FAM13A: variants seen among roughly 807,000 people sequenced by gnomAD.
FAM13A encodes protein FAM13A.
A neutral mutation model predicts 129.6 loss-of-function variants in FAM13A; 76 were observed. The ratio of observed to expected loss-of-function variants is 0.59; its 90% CI spans 0.49 to 0.71. The LOEUF (loss-of-function observed/expected upper bound fraction) is 0.71, where lower values mean the gene tolerates loss of function less well. FAM13A is among the 30% of genes least tolerant of loss of function. The pLI is 0.00. For missense variants in FAM13A, 1,108 were observed against 1,249.3 expected, an observed-to-expected ratio of 0.89 and a Z score of 1.70; for synonymous variants, 443 against 449.9, an observed-to-expected ratio of 0.98 and a Z score of 0.20.
At chr4:88,865,892 T>C (rs1238866629) in intron 6 of FAM13A, among the ~76,000 whole-genome samples, 4 of 142,420 alleles carry the variant, frequency 2.8e-5, no homozygotes, top group African/African-American at 5.2e-5. Context: ...TTTTTTTTTT[T>C]TTTTTTTTTT....
At chr4:88,971,159 A>G (rs1579559882) in intron 4 of FAM13A, among the ~76,000 whole-genome samples, 1 of 152,208 alleles carries the variant, frequency 6.6e-6, no homozygotes, top group Non-Finnish European at 1.5e-5. Flanking sequence ...CGGAGCTTGC[A>G]GAGAGCCGAG....
At chr4:88,856,336 T>C (rs1289314181) in intron 6 of FAM13A, among the ~76,000 whole-genome samples, 2 of 150,750 alleles carry the variant, frequency 1.3e-5, no homozygotes, top group Admixed American at 6.6e-5. Context: ...AAAAAAAAAA[T>C]AGCCAGGCCT....
chr4:88,924,566 A>G (rs1422189859), intron 5 of FAM13A, among the ~76,000 whole-genome samples: 1 of 152,238 alleles, frequency 6.6e-6, no homozygotes, highest in African/African-American at 2.4e-5. Flanking sequence ...AGATGGATTA[A>G]AGACTTAAAC....
chr4:88,729,632 T>C (rs944875791), intron 23 of FAM13A: 2 of 152,232 alleles, frequency 1.3e-5, no homozygotes, highest in African/African-American at 4.8e-5. Flanking sequence ...AGGCCCCCAC[T>C]GCACTCTGAG....
chr4:88,869,217 T>C (rs1173282450), intron 6 of FAM13A, among the ~76,000 whole-genome samples: 1 of 152,256 alleles, frequency 6.6e-6, no homozygotes, highest in Non-Finnish European at 1.5e-5. Context: ...ACTTCCACTT[T>C]TGCCTTCTTC....
At chr4:88,810,863 C>A (rs563805785) in intron 7 of FAM13A, among the ~76,000 whole-genome samples, 8 of 152,038 alleles carry the variant, frequency 5.3e-5, no homozygotes, top group Admixed American at 3.9e-4. Context: ...ATAAATTTCA[C>A]AAAAATTATT....
intron 5 of FAM13A, among the ~76,000 whole-genome samples, chr4:88,927,665 CTT>C (rs984085717): frequency 6.6e-6 from 1 of 151,720 alleles, no homozygotes; most frequent in African/African-American, 2.4e-5. Context: ...TCATAATAGT[CTT>C]TGATGATTTT....
At chr4:88,848,178 C>T (rs938720745) in intron 7 of FAM13A, among the ~76,000 whole-genome samples, 15 of 152,128 alleles carry the variant, frequency 9.9e-5, no homozygotes, top group African/African-American at 1.4e-4. Flanking sequence ...GCTAATTCTT[C>T]TATTGCTTAT....
chr4:88,864,188 G>A (rs1739991159), intron 6 of FAM13A, among the ~76,000 whole-genome samples: 1 of 152,220 alleles, frequency 6.6e-6, no homozygotes, highest in Admixed American at 6.5e-5. Flanking sequence ...TCAAAGGAAT[G>A]CTATATTGAT....
chr4:88,896,643 T>A (rs1006320769), intron 6 of FAM13A, among the ~76,000 whole-genome samples: 14 of 152,178 alleles, frequency 9.2e-5, no homozygotes, highest in African/African-American at 3.4e-4. Context: ...CTGAAAACAT[T>A]AAGCTTTGAA....
intron 3 of FAM13A, among the ~76,000 whole-genome samples, chr4:89,000,204 A>T (rs527706437): frequency 6.6e-6 from 1 of 152,348 alleles, no homozygotes; most frequent in East Asian, 1.9e-4. Context: ...GATACTCAAG[A>T]GAAATGAAAG....
At chr4:88,888,756 T>C (rs1279583657) in intron 6 of FAM13A, among the ~76,000 whole-genome samples, 3 of 148,824 alleles carry the variant, frequency 2.0e-5, no homozygotes, top group Admixed American at 1.4e-4. Flanking sequence ...AAACCCCGTC[T>C]CTACTAAAAA....
rs182854266 is a variant in FAM13A at position 88,884,331 on chromosome 4, C to A, written c.843+22048G>T. On this transcript the variant is annotated intron_variant, in intron 6 of 23. Transcript: ENST00000264344. ...TCAAGTGGGTTTCACACCAGGGATG[C>A]AGAGATGGCTTAACATATGCATGTC... 5.3e-5 allele frequency among the ~76,000 whole-genome samples: 8 copies of A among 152,220 alleles called. No homozygotes were observed. In the East Asian group the frequency reaches 7.7e-4, roughly 15 times the overall value.
chr4:89,052,131 C>G (rs1328539514), intron 1 of FAM13A, among the ~76,000 whole-genome samples: 2 of 152,088 alleles, frequency 1.3e-5, no homozygotes, highest in Non-Finnish European at 2.9e-5. Context: ...TGCCTGTACC[C>G]TTTGGAAGGG....
In FAM13A at chr4:88,785,467, C is replaced by T. The variant is rs1723779020; in HGVS notation, c.1271+2286G>A. Reference sequence around the variant, plus strand: ...GAGATACTGGAGAAGACCTTTATGGCGGCTCATTGAAAGGAAGGTTAAAAC... The same window carrying T: ...GAGATACTGGAGAAGACCTTTATGGTGGCTCATTGAAAGGAAGGTTAAAAC... On this transcript the variant is annotated intron_variant, in intron 10 of 23. Coordinates refer to ENST00000264344, the MANE Select transcript of FAM13A (RefSeq NM_014883.4). Among the ~76,000 whole-genome samples the T allele has an allele frequency of 2.0e-5, 3 of 151,948 alleles. 1 individual carries two copies. In the South Asian group the frequency reaches 6.2e-4, roughly 32 times the overall value.
At chr4:88,848,413 C>T (rs1036839376) in intron 7 of FAM13A, among the ~76,000 whole-genome samples, 2 of 152,206 alleles carry the variant, frequency 1.3e-5, no homozygotes, top group Admixed American at 6.5e-5. Flanking sequence ...AGCGTCTAAA[C>T]GTGCCTACAT....
chr4:88,777,848 C>T (rs1378618045), intron 11 of FAM13A, among the ~76,000 whole-genome samples: 1 of 152,156 alleles, frequency 6.6e-6, no homozygotes, highest in Non-Finnish European at 1.5e-5. Flanking sequence ...CAGGGAGCGA[C>T]ATTTTGCTAA....
intron 4 of FAM13A, among the ~76,000 whole-genome samples, chr4:88,948,457 G>A (rs1222448791): frequency 1.3e-5 from 2 of 151,828 alleles, no homozygotes; most frequent in African/African-American, 4.8e-5. Flanking sequence ...AAAGGGGCAT[G>A]AAGGAATTGT....
intron 1 of FAM13A, among the ~76,000 whole-genome samples, chr4:89,037,467 T>C (rs1022736538): frequency 1.3e-5 from 2 of 151,358 alleles, no homozygotes; most frequent in African/African-American, 2.4e-5. Context: ...ACTAACTTGG[T>C]AAAAAAAACA....
Sources: allele counts gnomAD v4.1 joint callset (sites outside exome capture counted in the v4.1 genomes callset), GRCh38; gene constraint gnomAD v4.1.1; transcripts MANE v1.5; gene names NCBI Gene and HGNC (gene_info 2026-07-23, HGNC 2026-07-21).